Variants in JAK3 observed in about 807,000 individuals in gnomAD.
JAK3 encodes tyrosine-protein kinase JAK3.
In JAK3, 88 loss-of-function variants were observed where a neutral mutation model predicts 120.8. The observed-to-expected ratio is 0.73, with a 90% CI of 0.61 to 0.87. JAK3 has a LOEUF of 0.87. JAK3 is among the 40% of genes least tolerant of loss of function. The pLI, the probability that JAK3 is intolerant of heterozygous loss-of-function variation, is 0.00. For missense variants in JAK3, 1,254 were observed against 1,501.4 expected (o/e 0.84, Z 2.72); for synonymous variants, 592 against 628.6 (o/e 0.94, Z 0.87).
At position 17,826,159 on chromosome 19, in the gene JAK3, G is replaced by A. The variant is rs1260257380; in HGVS notation, c.*584C>T. 1 of 153,754 alleles carries A rather than the reference G, an allele frequency of 6.5e-6. No homozygotes were observed. The highest frequency in any genetic ancestry group is 1.4e-5 in the Non-Finnish European group (1 of 69,248). 9.5% of individuals were successfully genotyped at this position (153,754 alleles called of 1,614,324 possible). On this transcript the variant is annotated 3_prime_UTR_variant, in exon 24 of 24. Coordinates refer to ENST00000458235, the MANE Select transcript of JAK3 (RefSeq NM_000215.4). Reference sequence around the variant, plus strand: ...AACACTTTGGGAGGCTGAGGTGGGAGGATCACTTGAGGTTAGGAGTTCGAG... The same window carrying A: ...AACACTTTGGGAGGCTGAGGTGGGAAGATCACTTGAGGTTAGGAGTTCGAG...
chr19:17,847,946 C>CT lies in JAK3; in HGVS notation c.-15dup. ...GCCCTGCGGCATCGCCAGCTCTTAC[C>CT]TAGCGGGCAGGGACCCTGGACTTTC... On this transcript the variant is annotated splice_region_variant and 5_prime_UTR_variant, in exon 1 of 24. Transcript: ENST00000458235. 1 of 1,031,954 alleles carries CT rather than the reference C, an allele frequency of 9.7e-7. No individual in the cohort carries two copies. Among genetic ancestry groups the CT allele is most frequent in the Non-Finnish European group, 1.2e-6 (1 of 856,752 alleles). The allele number at this position is 1,031,954 out of a possible 1,614,324, so 63.9% of individuals were successfully genotyped here.
In JAK3 at chr19:17,835,915, A is replaced by T. The variant is rs1222968047; in HGVS notation, c.1914+9T>A. 1 of 1,613,628 alleles carries T rather than the reference A, an allele frequency of 6.2e-7. No homozygotes were observed. Among genetic ancestry groups the T allele is most frequent in the Non-Finnish European group, 8.5e-7 (1 of 1,180,014 alleles). Reference sequence around the variant, plus strand: ...GAATGGAGGGTGGAGCAGGCAGAGGAGCACTCACCAGATAGTTGAGGGCGT... The same window carrying T: ...GAATGGAGGGTGGAGCAGGCAGAGGTGCACTCACCAGATAGTTGAGGGCGT... On this transcript the variant is annotated intron_variant, in intron 14 of 23. Coordinates refer to ENST00000458235, the MANE Select transcript of JAK3 (RefSeq NM_000215.4).
chr19:17,844,016 G>A (rs2094246152), intron 2 of JAK3, 116 bp from the exon 3 acceptor site: 1 of 1,388,736 alleles, frequency 7.2e-7, no homozygotes, highest in Non-Finnish European at 9.9e-7. Context: ...ATGACCAGCT[G>A]TTCCCTTCAT....
intron 23 of JAK3, among the ~76,000 whole-genome samples, chr19:17,827,378 G>C (rs3212793): frequency 0.27 from 39,860 of 149,716 alleles, 5,322 homozygotes; most frequent in Admixed American, 0.33. Flanking sequence ...ATAAAGTTTC[G>C]CTCTTGTTGC....
intron 10 of JAK3, among the ~76,000 whole-genome samples, chr19:17,838,706 C>T (rs528113009): frequency 1.8e-4 from 25 of 141,144 alleles, no homozygotes; most frequent in African/African-American, 6.3e-4. Context: ...CCACCGTGCC[C>T]GGCTAATTTT....
Position 17,834,557 on chromosome 19 carries a change from GT to G in JAK3, c.2350+13del. On this transcript the variant is annotated intron_variant, in intron 17 of 23. Coordinates refer to ENST00000458235, the MANE Select transcript of JAK3 (RefSeq NM_000215.4). ...CATCACAGCCCTCCCCACCCAACCC[GT>G]CCCAGCGGGCACCTGAAGAGATGAG... is the stretch of plus-strand genomic sequence containing the variant. 2 of 728,584 alleles carry G rather than the reference GT, an allele frequency of 2.7e-6. No homozygotes were observed. Among genetic ancestry groups the G allele is most frequent in the Non-Finnish European group, 4.7e-6 (2 of 421,972 alleles). The allele number at this position is 728,584 out of a possible 1,614,324, so 45.1% of individuals were successfully genotyped here.
chr19:17,827,659 A>G (rs1337477585), intron 23 of JAK3, among the ~76,000 whole-genome samples: 2 of 142,968 alleles, frequency 1.4e-5, no homozygotes, highest in African/African-American at 2.6e-5. Flanking sequence ...TATGGATTTT[A>G]CAACACACTT....
In JAK3 at chr19:17,830,483, G is replaced by C. The variant is rs765910786; in HGVS notation, c.3096+20C>G. 1.6e-5 allele frequency: 26 copies of C among 1,587,406 alleles called. No individual in the cohort carries two copies. The highest frequency in any genetic ancestry group is 2.2e-5 in the Non-Finnish European group (26 of 1,157,630). On this transcript the variant is annotated intron_variant, in intron 22 of 23. Transcript: ENST00000458235. ...GCGTGGAGGGAGAAGAAGGCTGGGGGCTCTGGGAAGCCGACTCACGGCCGA... is the reference window on the plus strand; with the variant it reads ...GCGTGGAGGGAGAAGAAGGCTGGGGCCTCTGGGAAGCCGACTCACGGCCGA...
intron 13 of JAK3, 54 bp downstream of exon 13, chr19:17,837,075 A>G (rs1429087076): frequency 1.9e-6 from 2 of 1,077,230 alleles, no homozygotes; most frequent in Non-Finnish European, 2.5e-6. Context: ...GGTGGGAAGA[A>G]CAGCCTAGAC....
chr19:17,830,853 T>G (rs1599866595), intron 21 of JAK3, among the ~76,000 whole-genome samples: 1 of 65,052 alleles, frequency 1.5e-5, no homozygotes, highest in Non-Finnish European at 3.0e-5. Flanking sequence ...GGGGCGGAGA[T>G]GGGGGCGGGG....
Position 17,842,598 on chromosome 19 carries a change from G to T in JAK3, c.579C>A (p.Cys193Ter). Residue 193 changes from cysteine to a stop codon, truncating the protein, a stop_gained, in exon 6 of 24, where the codon TGC (cysteine) becomes TGA (stop). Transcript: ENST00000458235. LOFTEE classifies it high-confidence loss of function. This position sits in a 1 kb window ranked among gnomAD's most constrained non-coding sequence, Gnocchi z 6.4. ...TCAGGTCGCGCAGGCTTGGGGGTAG[G>T]CAGGCCTTGTAGCTGCAGGGGTTGG... ...ELLKTVSYKA[C>*]LPPSLRDLIQ... is the part of the protein sequence containing the mutation. 6.3e-7 allele frequency: 1 copy of T among 1,578,348 alleles called. No individual in the cohort carries two copies. The highest frequency in any genetic ancestry group is 2.3e-5 in the East Asian group (1 of 43,378).
In JAK3 at chr19:17,832,389, T is replaced by C. The variant is rs2094215962; in HGVS notation, c.2680+130A>G. 1 of 941,608 alleles carries C rather than the reference T, an allele frequency of 1.1e-6. No individual in the cohort carries two copies. Among genetic ancestry groups the C allele is most frequent in the East Asian group, 2.4e-5 (1 of 40,990 alleles). The allele number at this position is 941,608 out of a possible 1,614,324, so 58.3% of individuals were successfully genotyped here. On this transcript the variant is annotated intron_variant, in intron 19 of 23. Coordinates refer to ENST00000458235, the MANE Select transcript of JAK3 (RefSeq NM_000215.4). The surrounding 1 kb of genome is among the most constrained non-coding windows in gnomAD (Gnocchi z 4.7). ...AAGGGGTAGAGTCAGGATTCAAACC[T>C]GTAACCCATGTGAATCTGGATCAAT...
At chr19:17,833,542 GAAAAAA>G (rs58330868) in intron 17 of JAK3, among the ~76,000 whole-genome samples, 62 of 74,656 alleles carry the variant, frequency 8.3e-4, no homozygotes, top group African/African-American at 2.7e-3. Context: ...CCCCATCACA[GAAAAAA>G]AAAAAAAAAA....
chr19:17,841,719 C>A lies in JAK3; in HGVS notation c.905G>T (p.Ser302Ile), dbSNP rs751055857. 1.2e-6 allele frequency: 2 copies of A among 1,612,456 alleles called. No individual in the cohort carries two copies. Among genetic ancestry groups the A allele is most frequent in the Non-Finnish European group, 1.7e-6 (2 of 1,179,996 alleles). Residue 302 changes from serine (S) to isoleucine (I), a missense_variant, in exon 7 of 24, where the codon AGC becomes ATC. Transcript: ENST00000458235. The surrounding 1 kb of genome is among the most constrained non-coding windows in gnomAD (Gnocchi z 4.1). ...GCCAACGCGCGGGGCCTGCTTGATG[C>A]TAATGTCTACGATTTCTGGAAAGTC... is the stretch of plus-strand genomic sequence containing the variant. Reference protein sequence around the residue: ...FCDFPEIVDISIKQAPRVGPA... With the variant: ...FCDFPEIVDIIIKQAPRVGPA...
In JAK3 at chr19:17,842,837, G is replaced by C. The variant is rs531611430; in HGVS notation, c.566+190C>G. ...AGGGACCCCACAGGCCTTTTAGCTG[G>C]GGGAGGTCAGGTGTCTGTCCAGCTG... is the stretch of plus-strand genomic sequence containing the variant. On this transcript the variant is annotated intron_variant, in intron 5 of 23. Transcript: ENST00000458235. This position sits in a 1 kb window ranked among gnomAD's most constrained non-coding sequence, Gnocchi z 6.4. 1.0e-3 allele frequency: 899 copies of C among 888,244 alleles called. 2 individuals carry two copies. Among genetic ancestry groups the C allele is most frequent in the Non-Finnish European group, 1.3e-3 (773 of 574,462 alleles). 55.0% of individuals were successfully genotyped at this position (888,244 alleles called of 1,614,324 possible).
rs1394427686 is a variant in JAK3 at position 17,830,233 on chromosome 19, G to C, written c.3097-15C>G. On this transcript the variant is annotated splice_polypyrimidine_tract_variant and intron_variant, in intron 22 of 23. Coordinates refer to ENST00000458235, the MANE Select transcript of JAK3 (RefSeq NM_000215.4). ...CGCAGGAACTCCTGGAGCCAAGGAG[G>C]AGCGCATGTGGTGGGGGAGGAGCCT... 1 of 1,547,132 alleles carries C rather than the reference G, an allele frequency of 6.5e-7. No homozygotes were observed. The highest frequency in any genetic ancestry group is 1.9e-5 in the Admixed American group (1 of 51,820).
chr19:17,827,246 TG>T (rs1294700079), intron 23 of JAK3, among the ~76,000 whole-genome samples: 1 of 152,150 alleles, frequency 6.6e-6, no homozygotes. Context: ...CCCAAAGTGC[TG>T]GGATTATAGG....
In JAK3 at chr19:17,834,930, G is replaced by C. The variant is rs1469128743; in HGVS notation, c.2121C>G (p.Asp707Glu). 6.2e-7 allele frequency: 1 copy of C among 1,614,078 alleles called. No homozygotes were observed. The highest frequency in any genetic ancestry group is 8.5e-7 in the Non-Finnish European group (1 of 1,180,050). The change falls in exon 16 of 24, where the codon GAC (aspartate) becomes GAG (glutamate). Residue 707 changes from aspartate to glutamate, a missense_variant. By Grantham distance (45) the Asp-to-Glu change is conservative. This residue lies in a region of JAK3 where 630 missense variants were observed against 819.8 expected (regional missense o/e 0.77). Coordinates refer to ENST00000458235, the MANE Select transcript of JAK3 (RefSeq NM_000215.4). ...REAQTLSLEA[D>E]KWGFGATVWE... is the part of the protein sequence containing the mutation. ...AGACCGTGGCGCCGAAGCCCCACTT[G>C]TCAGCTTCCAAGCTAAGTGTCTGCG...
intron 23 of JAK3, among the ~76,000 whole-genome samples, chr19:17,827,770 C>T (rs1324097881): frequency 1.6e-5 from 2 of 126,294 alleles, no homozygotes; most frequent in African/African-American, 3.1e-5. Context: ...TTACAGGTGG[C>T]GTGTGCCTGT....
Sources: allele counts gnomAD v4.1 joint callset (sites outside exome capture counted in the v4.1 genomes callset), GRCh38; gene constraint gnomAD v4.1.1; regional missense constraint gnomAD v4.1.1; non-coding constraint Gnocchi (gnomAD v3.1); transcripts MANE v1.5; gene names NCBI Gene and HGNC (gene_info 2026-07-23, HGNC 2026-07-21).